SACM1L: variants seen among roughly 807,000 people sequenced by gnomAD.
SACM1L encodes phosphatidylinositol-3-phosphatase SAC1.
In SACM1L, 32 loss-of-function variants were observed where a neutral mutation model predicts 89.5. The ratio of observed to expected loss-of-function variants is 0.36; its 90% CI spans 0.27 to 0.48. The LOEUF (loss-of-function observed/expected upper bound fraction) is 0.48. SACM1L is among the 20% of genes least tolerant of loss of function. The probability of loss-of-function intolerance (pLI) is 0.99; values close to 1 mark genes in which losing one functional copy is unlikely to be tolerated. For missense variants in SACM1L, 543 were observed against 708.5 expected, an observed-to-expected ratio of 0.77 and a Z score of 2.65; for synonymous variants, 213 against 232.8, an observed-to-expected ratio of 0.92 and a Z score of 0.77.
chr3:45,703,253 A>T (rs1189589179), intron 1 of SACM1L, among the ~76,000 whole-genome samples, 185 bp from the exon 2 acceptor site: 2 of 152,234 alleles, frequency 1.3e-5, no homozygotes, highest in African/African-American at 4.8e-5. Flanking sequence ...AAACCTAGTC[A>T]GCATCAAATA....
Position 45,709,307 on chromosome 3 carries a change from T to C in SACM1L, c.334-191T>C, listed in dbSNP as rs1020892002. Among the ~76,000 whole-genome samples the C allele has an allele frequency of 5.3e-5, 8 of 152,210 alleles. No individual in the cohort carries two copies. In the East Asian group the frequency reaches 9.6e-4, roughly 18 times the overall value. Reference sequence around the variant, plus strand: ...ACCTAATAGTACCCTACAGTGTTTATTGAGTATCTTCTGTGTGTCAGGAAC... The same window carrying C: ...ACCTAATAGTACCCTACAGTGTTTACTGAGTATCTTCTGTGTGTCAGGAAC... On this transcript the variant is annotated intron_variant, in intron 4 of 19. Transcript: ENST00000389061.
chr3:45,698,413 G>A (rs931789388), intron 1 of SACM1L, among the ~76,000 whole-genome samples: 2 of 152,186 alleles, frequency 1.3e-5, no homozygotes, highest in Non-Finnish European at 2.9e-5. Context: ...GACATTATCA[G>A]AATAGCCTGA....
At chr3:45,721,234 T>G (rs1698780260) in intron 8 of SACM1L, among the ~76,000 whole-genome samples, 9 of 152,208 alleles carry the variant, frequency 5.9e-5, no homozygotes, top group Admixed American at 5.9e-4. Context: ...TAAACTAGCC[T>G]ATATTCACCG....
chr3:45,712,478 C>T, intron 5 of SACM1L, among the ~76,000 whole-genome samples: 1 of 152,142 alleles, frequency 6.6e-6, no homozygotes, highest in African/African-American at 2.4e-5. Context: ...TCAAGTGATC[C>T]GCCTGCCTTG....
At chr3:45,697,629 G>T (rs748382438) in intron 1 of SACM1L, among the ~76,000 whole-genome samples, 3 of 152,068 alleles carry the variant, frequency 2.0e-5, no homozygotes, top group Non-Finnish European at 4.4e-5. Flanking sequence ...GCAAAATGAC[G>T]AACTGAATGA....
At chr3:45,717,581 G>A (rs1335266541) in intron 7 of SACM1L, among the ~76,000 whole-genome samples, 1 of 152,136 alleles carries the variant, frequency 6.6e-6, no homozygotes, top group Non-Finnish European at 1.5e-5. Context: ...TTATTATGCT[G>A]TTATACTTTA....
At chr3:45,723,909 A>C (rs1473986028) in intron 11 of SACM1L, among the ~76,000 whole-genome samples, 3 of 151,750 alleles carry the variant, frequency 2.0e-5, no homozygotes, top group African/African-American at 7.3e-5. Context: ...TTCTTTTTTT[A>C]AGACTGAGGA....
At chr3:45,710,346 G>A (rs763525428) in intron 5 of SACM1L, among the ~76,000 whole-genome samples, 5 of 151,760 alleles carry the variant, frequency 3.3e-5, no homozygotes, top group Non-Finnish European at 7.4e-5. Flanking sequence ...AATTACAGGC[G>A]TGTGCTAACA....
At chr3:45,724,048 T>C (rs1004543466) in intron 11 of SACM1L, among the ~76,000 whole-genome samples, 2 of 152,020 alleles carry the variant, frequency 1.3e-5, no homozygotes, top group Non-Finnish European at 2.9e-5. Flanking sequence ...GTTGTTTTCA[T>C]TTTTTGGCTA....
intron 19 of SACM1L, among the ~76,000 whole-genome samples, chr3:45,743,202 T>C (rs1259005726): frequency 6.6e-6 from 1 of 152,182 alleles, no homozygotes; most frequent in Non-Finnish European, 1.5e-5. Context: ...ATCATTATTA[T>C]TTGTATAATA....
At chr3:45,739,806 A>G (rs1187180080) in intron 19 of SACM1L, 162 bp downstream of exon 19, 1 of 684,856 alleles carries the variant, frequency 1.5e-6, no homozygotes, top group Non-Finnish European at 2.5e-6. Context: ...AGGAAGAAAA[A>G]TAACATACCT....
intron 7 of SACM1L, among the ~76,000 whole-genome samples, chr3:45,717,729 AGCCACAG>A (rs1348566439): frequency 1.3e-5 from 2 of 152,244 alleles, no homozygotes; most frequent in African/African-American, 4.8e-5. Flanking sequence ...CCTGCTCCCC[AGCCACAG>A]TGTGGCATAC....
At chr3:45,739,671 T>C in intron 19 of SACM1L, 27 bp downstream of exon 19, 1 of 1,605,980 alleles carries the variant, frequency 6.2e-7, no homozygotes, top group Non-Finnish European at 8.5e-7. Context: ...CATTTGTTTC[T>C]TAGTTAGAAT....
chr3:45,722,005 G>T lies in SACM1L; in HGVS notation c.685G>T (p.Asp229Tyr). 1 of 1,607,450 alleles carries T rather than the reference G, an allele frequency of 6.2e-7. No individual in the cohort carries two copies. Among genetic ancestry groups the T allele is most frequent in the South Asian group, 1.1e-5 (1 of 90,458 alleles). Reference sequence around the variant, plus strand: ...TTAATTTTTTTTCTATTTAGGAATTGATTCGGAAGGCCATGCAGCTAACTT... The same window carrying T: ...TTAATTTTTTTTCTATTTAGGAATTTATTCGGAAGGCCATGCAGCTAACTT... ...AGVRYYVRGI[D>Y]SEGHAANFVE... Residue 229 changes from aspartate to tyrosine, a missense_variant, in exon 9 of 20, where the codon GAT (aspartate) becomes TAT (tyrosine). Asp to Tyr is a radical substitution (Grantham distance 160). Transcript: ENST00000389061.
chr3:45,732,822 C>T (rs184258737), intron 13 of SACM1L, among the ~76,000 whole-genome samples: 25 of 152,270 alleles, frequency 1.6e-4, no homozygotes, highest in Admixed American at 1.4e-3. Flanking sequence ...ATCTGTAAAT[C>T]GTACTACCAT....
At chr3:45,714,365 C>T (rs1358258564) in intron 7 of SACM1L, among the ~76,000 whole-genome samples, 1 of 151,698 alleles carries the variant, frequency 6.6e-6, no homozygotes, top group East Asian at 1.9e-4. Context: ...TTGATGTTAC[C>T]TTTTATCAGT....
At chr3:45,734,142 G>A (rs532765474) in intron 13 of SACM1L, among the ~76,000 whole-genome samples, 6 of 143,812 alleles carry the variant, frequency 4.2e-5, no homozygotes, top group Admixed American at 1.4e-4. Flanking sequence ...GCTGGGGGCT[G>A]TGGCTCACGC....
chr3:45,698,490 G>A (rs917301619), intron 1 of SACM1L, among the ~76,000 whole-genome samples: 1 of 152,148 alleles, frequency 6.6e-6, no homozygotes, highest in African/African-American at 2.4e-5. Flanking sequence ...AAAGGCCTCA[G>A]GACTTTTGAG....
intron 1 of SACM1L, among the ~76,000 whole-genome samples, chr3:45,692,803 G>C (rs1216092983): frequency 1.3e-5 from 2 of 152,200 alleles, no homozygotes; most frequent in Non-Finnish European, 2.9e-5. Context: ...TCAGTTTACA[G>C]TGCATTTACT....
Sources: gnomAD v4.1 joint callset for allele counts (sites outside exome capture counted in the v4.1 genomes callset) on GRCh38, gnomAD v4.1.1 for gene constraint, MANE v1.5 for transcripts, NCBI Gene and HGNC (gene_info 2026-07-23, HGNC 2026-07-21) for gene names.